Variants in IGSF21 observed in about 807,000 individuals in gnomAD.
IGSF21 encodes immunoglobulin superfamily member 21.
Under a neutral mutation model 46.8 loss-of-function variants are expected in IGSF21, and 28 were observed. The observed-to-expected ratio is 0.60, with a 90% CI of 0.44 to 0.82. IGSF21 has a LOEUF of 0.82. IGSF21 is among the 40% of genes least tolerant of loss of function. IGSF21 has a pLI of 0.00. For missense variants in IGSF21, 624 were observed against 665.5 expected, an observed-to-expected ratio of 0.94 and a Z score of 0.69; for synonymous variants, 284 against 273.6, an observed-to-expected ratio of 1.04 and a Z score of -0.38.
chr1:18,275,040 A>AAC (rs200365995), intron 2 of IGSF21, among the ~76,000 whole-genome samples: 2,807 of 142,746 alleles, frequency 0.02, 109 homozygotes, highest in African/African-American at 0.071. Context: ...AAAAACAAAC[A>AAC]AACAAAAAAG....
chr1:18,149,362 C>T lies in IGSF21; in HGVS notation c.70+41164C>T, dbSNP rs138324279. 7.8e-4 allele frequency among the ~76,000 whole-genome samples: 119 copies of T among 152,248 alleles called. 1 individual carries two copies. In the East Asian group the frequency reaches 0.011, roughly 14 times the overall value. On this transcript the variant is annotated intron_variant, in intron 1 of 9. Transcript: ENST00000251296. ...ACTGATTTAAGTGAACCATGCACAG[C>T]GGGGATGACACACACAGAGGGAGGG...
At chr1:18,331,304 T>G (rs180862354) in intron 3 of IGSF21, among the ~76,000 whole-genome samples, 7 of 152,298 alleles carry the variant, frequency 4.6e-5, no homozygotes, top group African/African-American at 1.4e-4. Context: ...GTATCATTCT[T>G]ATGCCTTTGC....
intron 3 of IGSF21, among the ~76,000 whole-genome samples, chr1:18,318,070 T>C (rs1363363707): frequency 1.3e-5 from 2 of 152,104 alleles, no homozygotes; most frequent in Admixed American, 1.3e-4. Context: ...CCCTGCAAAA[T>C]GAAAGACCTT....
At chr1:18,307,304 C>A (rs191867655) in intron 3 of IGSF21, among the ~76,000 whole-genome samples, 97 of 152,280 alleles carry the variant, frequency 6.4e-4, no homozygotes, top group Admixed American at 5.3e-3. Context: ...CTGCTTCCCC[C>A]ATGGGAGCGA....
At chr1:18,235,591 C>T (rs1423050679) in intron 2 of IGSF21, among the ~76,000 whole-genome samples, 2 of 152,168 alleles carry the variant, frequency 1.3e-5, no homozygotes, top group Non-Finnish European at 2.9e-5. Flanking sequence ...TGGGAAAAAG[C>T]TTTGTGTGTT....
intron 3 of IGSF21, among the ~76,000 whole-genome samples, chr1:18,315,970 C>T (rs2085539320): frequency 6.6e-6 from 1 of 152,128 alleles, no homozygotes; most frequent in Non-Finnish European, 1.5e-5. Flanking sequence ...ATATGCTTGA[C>T]ATAGAAAAGT....
intron 1 of IGSF21, among the ~76,000 whole-genome samples, chr1:18,195,897 A>C (rs951708037): frequency 1.3e-5 from 2 of 152,178 alleles, no homozygotes; most frequent in Non-Finnish European, 2.9e-5. Context: ...GGTCCAGACT[A>C]TGGTATGGGA....
chr1:18,191,597 G>A (rs923207147), intron 1 of IGSF21, among the ~76,000 whole-genome samples: 2 of 152,174 alleles, frequency 1.3e-5, no homozygotes, highest in Non-Finnish European at 2.9e-5. Context: ...CCCCTGGCGC[G>A]GGAGCACACG....
intron 4 of IGSF21, among the ~76,000 whole-genome samples, chr1:18,360,307 C>G (rs764514635): frequency 2.0e-4 from 31 of 152,218 alleles, no homozygotes; most frequent in Non-Finnish European, 3.7e-4. Flanking sequence ...AACTATTGTT[C>G]TCCCATTGTT....
chr1:18,201,928 T>C (rs2087079231), intron 1 of IGSF21, among the ~76,000 whole-genome samples: 2 of 152,314 alleles, frequency 1.3e-5, no homozygotes, highest in East Asian at 3.9e-4. Context: ...ATAAGTTAGA[T>C]ATCAAATCTG....
rs983593076 is a variant in IGSF21, at chr1:18,335,960, T to C, written c.424+950T>C. 3.3e-5 allele frequency among the ~76,000 whole-genome samples: 5 copies of C among 152,174 alleles called. No individual in the cohort carries two copies. In the South Asian group the frequency reaches 1.0e-3, roughly 32 times the overall value. ...CGCAGTTACTCATGCACCACTCAGC[T>C]CCTCTGATAAAGGAACTAGCAGCGT... On this transcript the variant is annotated intron_variant, in intron 4 of 9. Transcript: ENST00000251296. This position sits in a 1 kb window ranked among gnomAD's most constrained non-coding sequence, Gnocchi z 4.8.
chr1:18,261,840 A>T (rs1267386209), intron 2 of IGSF21, among the ~76,000 whole-genome samples: 1 of 152,182 alleles, frequency 6.6e-6, no homozygotes, highest in Admixed American at 6.5e-5. Context: ...ATTTGAGTAC[A>T]AATCATGTAT....
chr1:18,291,456 G>A (rs1023386858), intron 2 of IGSF21, among the ~76,000 whole-genome samples: 2 of 152,176 alleles, frequency 1.3e-5, no homozygotes, highest in Non-Finnish European at 2.9e-5. Context: ...TCCTGGCCCC[G>A]GGGACCACCG....
intron 1 of IGSF21, among the ~76,000 whole-genome samples, chr1:18,142,611 G>A (rs1224032425): frequency 2.0e-5 from 3 of 152,200 alleles, no homozygotes; most frequent in Non-Finnish European, 4.4e-5. Flanking sequence ...CTGAGAAGGA[G>A]CCGGGCTCTG....
At chr1:18,319,548 C>T (rs751284857) in intron 3 of IGSF21, among the ~76,000 whole-genome samples, 6 of 150,720 alleles carry the variant, frequency 4.0e-5, no homozygotes, top group Non-Finnish European at 7.4e-5. Flanking sequence ...TGGCTCTGAG[C>T]TTCTGCTACT....
In IGSF21 at chr1:18,322,152, A is replaced by G. The variant is rs2085609005; in HGVS notation, c.306-12740A>G. ...GAGATCAGTTTTCAGTGCCTCGCAC[A>G]GGGTCTCGCACACAGGAGGTGCTCA... On this transcript the variant is annotated intron_variant, in intron 3 of 9. Coordinates refer to ENST00000251296, the MANE Select transcript of IGSF21 (RefSeq NM_032880.5). This position sits in a 1 kb window ranked among gnomAD's most constrained non-coding sequence, Gnocchi z 4.3. Among the ~76,000 whole-genome samples the G allele has an allele frequency of 6.6e-6, 1 of 152,208 alleles. No homozygotes were observed. Among genetic ancestry groups the G allele is most frequent in the Admixed American group, 6.5e-5 (1 of 15,280 alleles).
rs1233356339 is a variant in IGSF21 at position 18,193,338 on chromosome 1, A to C, written c.71-34560A>C. Among the ~76,000 whole-genome samples the C allele has an allele frequency of 2.6e-5, 4 of 152,266 alleles. No individual in the cohort carries two copies. In the East Asian group the frequency reaches 7.7e-4, roughly 29 times the overall value. ...GAATCTGGAATCTAGTCCAAGGGAG[A>C]CGAGAACCATGGGAATCTGTATTAG... On this transcript the variant is annotated intron_variant, in intron 1 of 9. Transcript: ENST00000251296.
intron 7 of IGSF21, 48 bp from the exon 8 acceptor site, chr1:18,376,752 C>T: frequency 6.5e-7 from 1 of 1,528,536 alleles, no homozygotes; most frequent in Non-Finnish European, 8.9e-7. Context: ...GCTGATCTGG[C>T]AGAATGGGCC....
chr1:18,289,692 A>G (rs932010314), intron 2 of IGSF21, among the ~76,000 whole-genome samples: 1 of 152,128 alleles, frequency 6.6e-6, no homozygotes, highest in Non-Finnish European at 1.5e-5. Context: ...TCCTGGACAT[A>G]GTGGAATGGT....
Sources: allele counts gnomAD v4.1 joint callset (sites outside exome capture counted in the v4.1 genomes callset), GRCh38; gene constraint gnomAD v4.1.1; non-coding constraint Gnocchi (gnomAD v3.1); transcripts MANE v1.5; gene names NCBI Gene and HGNC (gene_info 2026-07-23, HGNC 2026-07-21).